RAB33A: variants seen among roughly 807,000 people sequenced by gnomAD.
The protein encoded by RAB33A is RAB33A, member RAS oncogene family.
RAB33A carries 6 observed loss-of-function variants against 12.0 expected under a neutral mutation model. The observed-to-expected ratio is 0.50, with a 90% CI of 0.27 to 0.99. The LOEUF is 0.99. Among genes scored for constraint, RAB33A ranks in the 50% least tolerant of loss-of-function variants. RAB33A has a pLI of 0.11. For missense variants in RAB33A, 109 were observed against 192.0 expected (o/e 0.57, Z 2.55); for synonymous variants, 70 against 82.4 (o/e 0.85, Z 0.81).
chrX:130,142,004 T>C, the RAB33A span, among the ~76,000 whole-genome samples: 1 of 111,944 alleles, frequency 8.9e-6, no homozygotes, highest in South Asian at 3.7e-4. Context: ...GTTAAGAGCT[T>C]GAGCTTTGGA....
chrX:130,138,440 GGGT>G, the RAB33A span, among the ~76,000 whole-genome samples: 1 of 111,801 alleles, frequency 8.9e-6, no homozygotes, highest in Non-Finnish European at 1.9e-5. Context: ...ACTCCAGCCT[GGGT>G]GACAGAGCGA....
the RAB33A span, chrX:130,156,707 A>G: frequency 2.2e-6 from 2 of 901,724 alleles, no homozygotes; most frequent in Non-Finnish European, 3.2e-6. Flanking sequence ...TTGCCCACAG[A>G]TATTCACCGT....
the RAB33A span, chrX:130,133,499 A>G: frequency 1.7e-6 from 2 of 1,203,041 alleles, no homozygotes; most frequent in South Asian, 3.6e-5. Flanking sequence ...TAAAAAAAAA[A>G]AAAGCAAGTT....
chrX:130,121,196 C>A, the RAB33A span, among the ~76,000 whole-genome samples: 96 of 111,840 alleles, frequency 8.6e-4, 1 homozygote, highest in Non-Finnish European at 1.4e-3. Context: ...CTTCCCCGGT[C>A]CCCGGCACAC....
At chrX:130,126,804 G>A in the RAB33A span, among the ~76,000 whole-genome samples, 1 of 112,475 alleles carries the variant, frequency 8.9e-6, no homozygotes, top group South Asian at 3.6e-4. Context: ...TCTGGGACAG[G>A]TGACAATTCC....
the RAB33A span, among the ~76,000 whole-genome samples, chrX:130,148,451 C>T: frequency 8.9e-6 from 1 of 111,751 alleles, no homozygotes; most frequent in Non-Finnish European, 1.9e-5. Flanking sequence ...AGGGTATGTG[C>T]TTTAGGAAAG....
At chrX:130,131,895 C>T in the RAB33A span, 23 of 1,044,437 alleles carry the variant, frequency 2.2e-5, no homozygotes, top group African/African-American at 7.5e-5. Flanking sequence ...TTTTTTGAGA[C>T]GGAGTTTCAC....
At chrX:130,178,936 G>C (rs2031692858) in intron 1 of RAB33A, among the ~76,000 whole-genome samples, 1 of 105,831 alleles carries the variant, frequency 9.4e-6, no homozygotes, top group Admixed American at 1.0e-4. Flanking sequence ...ACAGGCGTGA[G>C]CCACCGCGCC....
At chrX:130,175,492 C>CTTTTTTT in intron 1 of RAB33A, among the ~76,000 whole-genome samples, 1 of 75,586 alleles carries the variant, frequency 1.3e-5, no homozygotes, top group Non-Finnish European at 2.4e-5. Context: ...ACTGGGTTTA[C>CTTTTTTT]TTTTTTTTTT....
intron 1 of RAB33A, among the ~76,000 whole-genome samples, chrX:130,175,318 A>G (rs1215987049): frequency 2.7e-5 from 3 of 110,058 alleles, no homozygotes; most frequent in Non-Finnish European, 1.9e-5. Flanking sequence ...TCTACAGGAC[A>G]ATATTCAGTC....
chrX:130,154,431 T>C, the RAB33A span, among the ~76,000 whole-genome samples: 6 of 112,222 alleles, frequency 5.3e-5, no homozygotes, highest in African/African-American at 1.6e-4. Context: ...GTGGAACTGA[T>C]GGGAAAAGTT....
chrX:130,121,635 G>A, the RAB33A span, among the ~76,000 whole-genome samples: 3 of 112,867 alleles, frequency 2.7e-5, no homozygotes, highest in Non-Finnish European at 5.6e-5. Flanking sequence ...GCGGTGGCGC[G>A]TGGGAGTCCC....
chrX:130,144,800 A>G, the RAB33A span, among the ~76,000 whole-genome samples: 1 of 112,543 alleles, frequency 8.9e-6, no homozygotes, highest in East Asian at 2.8e-4. Context: ...CATAGGGGAC[A>G]CTAAATGTCT....
At chrX:130,172,454 G>A (rs1210455049) in intron 1 of RAB33A, 134 bp downstream of exon 1, 2 of 842,116 alleles carry the variant, frequency 2.4e-6, no homozygotes, top group Non-Finnish European at 3.2e-6. Flanking sequence ...AGGACCCTCG[G>A]CTCCTCCTCA....
At chrX:130,156,310 T>C in the RAB33A span, 1 of 630,970 alleles carries the variant, frequency 1.6e-6, no homozygotes, top group Admixed American at 2.9e-5. Context: ...CATAAGATAT[T>C]AGGCAGCAGG....
At chrX:130,166,920 C>A in the RAB33A span, among the ~76,000 whole-genome samples, 1 of 112,117 alleles carries the variant, frequency 8.9e-6, no homozygotes, top group Non-Finnish European at 1.9e-5. Context: ...TTTCAGTTTA[C>A]AATGGGTTTA....
the RAB33A span, chrX:130,149,556 T>G: frequency 8.3e-7 from 1 of 1,198,079 alleles, no homozygotes; most frequent in Non-Finnish European, 1.1e-6. Context: ...TCCTCTTTCA[T>G]AGTCTTGTAG....
chrX:130,171,887 C>T, upstream of RAB33A: 1 of 495,677 alleles, frequency 2.0e-6, no homozygotes, highest in Non-Finnish European at 3.2e-6. Flanking sequence ...GTGAGAGGCA[C>T]CCCCTTCACG....
chrX:130,164,962 T>A, the RAB33A span, among the ~76,000 whole-genome samples: 7 of 110,211 alleles, frequency 6.4e-5, no homozygotes, highest in Non-Finnish European at 1.3e-4. Flanking sequence ...ACTGTTTCTT[T>A]GAAGCCTTAA....
Sources: gnomAD v4.1 joint callset for allele counts (sites outside exome capture counted in the v4.1 genomes callset) on GRCh38, gnomAD v4.1.1 for gene constraint, MANE v1.5 for transcripts, NCBI Gene and HGNC (gene_info 2026-07-23, HGNC 2026-07-21) for gene names.